CTNNA3: variants seen among roughly 807,000 people sequenced by gnomAD.
CTNNA3 encodes catenin alpha 3.
A neutral mutation model predicts 95.7 loss-of-function variants in CTNNA3; 76 were observed. The observed-to-expected ratio is 0.79, with a 90% CI of 0.66 to 0.96. CTNNA3 has a LOEUF of 0.96. Among genes scored for constraint, CTNNA3 ranks in the 40% least tolerant of loss-of-function variants. The pLI is 0.00. For missense variants in CTNNA3, 1,191 were observed against 1,089.8 expected (o/e 1.09, Z -1.31); for synonymous variants, 431 against 374.4 (o/e 1.15, Z -1.74).
intron 7 of CTNNA3, among the ~76,000 whole-genome samples, chr10:66,845,754 TACACACACACAC>T (rs140313786): frequency 1.8e-5 from 2 of 108,632 alleles, no homozygotes; most frequent in Admixed American, 9.9e-5. Flanking sequence ...TATATATACA[TACACACACACAC>T]ACACACACAC....
chr10:67,320,865 G>A (rs760995432), intron 5 of CTNNA3, among the ~76,000 whole-genome samples: 5 of 152,126 alleles, frequency 3.3e-5, no homozygotes, highest in Non-Finnish European at 5.9e-5. Flanking sequence ...ATTGAGATTG[G>A]AAGGAAACAT....
intron 9 of CTNNA3, among the ~76,000 whole-genome samples, chr10:66,695,916 A>AGCG (rs1554837113): frequency 2.5e-5 from 3 of 119,302 alleles, no homozygotes; most frequent in African/African-American, 9.9e-5. Flanking sequence ...AAGAGACGTA[A>AGCG]GGGGGGGGGG....
intron 13 of CTNNA3, among the ~76,000 whole-genome samples, chr10:66,167,970 A>G (rs2085222703): frequency 6.6e-6 from 1 of 152,148 alleles, no homozygotes; most frequent in Non-Finnish European, 1.5e-5. Context: ...CTCAGCATAG[A>G]TGCAATCATG....
intron 15 of CTNNA3, among the ~76,000 whole-genome samples, chr10:66,031,835 TA>T (rs1313017593): frequency 6.6e-6 from 1 of 152,202 alleles, no homozygotes; most frequent in African/African-American, 2.4e-5. Flanking sequence ...GCAAGACAGC[TA>T]CCAGGTCCTA....
chr10:66,597,506 TCATA>T lies in CTNNA3; in HGVS notation c.1374+24182_1374+24185del, dbSNP rs1226549599. ...AGCCTGGTCAACATGGCATTTTATT[TCATA>T]CATATATATATATATATATATATAT... On this transcript the variant is annotated intron_variant, in intron 10 of 17. Transcript: ENST00000433211. 8.4e-3 allele frequency among the ~76,000 whole-genome samples: 796 copies of T among 94,528 alleles called. 10 individuals carry two copies. The highest frequency in any genetic ancestry group is 0.026 in the African/African-American group (687 of 25,934). 62.0% of individuals were successfully genotyped at this position (94,528 alleles called of 152,430 possible).
intron 1 of CTNNA3, chr10:67,751,262 G>C: frequency 8.4e-7 from 1 of 1,190,382 alleles, no homozygotes; most frequent in East Asian, 2.4e-5. Context: ...ATTACACAGG[G>C]AATTCTCTTT....
intron 5 of CTNNA3, among the ~76,000 whole-genome samples, chr10:67,444,825 C>G (rs189970867): frequency 2.0e-5 from 3 of 151,992 alleles, no homozygotes; most frequent in Non-Finnish European, 4.4e-5. Context: ...TAGACACATA[C>G]AACCTACCAA....
chr10:67,593,797 T>C (rs1842854354), intron 3 of CTNNA3, among the ~76,000 whole-genome samples: 1 of 152,184 alleles, frequency 6.6e-6, no homozygotes, highest in Non-Finnish European at 1.5e-5. Flanking sequence ...AGTACTATGT[T>C]GAATAGGAGT....
intron 5 of CTNNA3, among the ~76,000 whole-genome samples, chr10:67,453,553 A>G (rs78935985): frequency 0.023 from 3,494 of 152,336 alleles, 134 homozygotes; most frequent in African/African-American, 0.072. Flanking sequence ...AGGTATTTCC[A>G]GCATGGAAAA....
chr10:66,386,022 T>A (rs1248469993), intron 11 of CTNNA3, among the ~76,000 whole-genome samples: 2 of 152,160 alleles, frequency 1.3e-5, no homozygotes, highest in African/African-American at 4.8e-5. Context: ...GCATTCCCTT[T>A]GGAAACTGGC....
intron 9 of CTNNA3, among the ~76,000 whole-genome samples, chr10:66,748,633 C>A (rs1838984900): frequency 6.6e-6 from 1 of 151,996 alleles, no homozygotes; most frequent in African/African-American, 2.4e-5. Flanking sequence ...GTTCATTTTA[C>A]CTGAGATTTG....
chr10:67,412,805 T>C (rs953897939), intron 5 of CTNNA3, among the ~76,000 whole-genome samples: 4 of 152,058 alleles, frequency 2.6e-5, no homozygotes. Flanking sequence ...GACAAGCAAA[T>C]GCTGAGGGAA....
chr10:67,263,598 C>G (rs1437082523), intron 5 of CTNNA3, among the ~76,000 whole-genome samples: 1 of 152,178 alleles, frequency 6.6e-6, no homozygotes, highest in South Asian at 2.1e-4. Flanking sequence ...CTTCCACTCT[C>G]CAGCCTCCCT....
intron 7 of CTNNA3, among the ~76,000 whole-genome samples, chr10:66,803,361 ACT>A (rs1841505081): frequency 6.6e-6 from 1 of 151,490 alleles, no homozygotes; most frequent in African/African-American, 2.4e-5. Flanking sequence ...CACCTACACA[ACT>A]CTCACTTCGA....
intron 15 of CTNNA3, among the ~76,000 whole-genome samples, chr10:66,053,078 T>C (rs1176292947): frequency 4.6e-5 from 7 of 152,146 alleles, no homozygotes; most frequent in East Asian, 1.9e-4. Flanking sequence ...AAAATAGTTA[T>C]ATTCACAAAG....
chr10:66,517,286 C>T (rs1487903435), intron 11 of CTNNA3, among the ~76,000 whole-genome samples: 1 of 151,936 alleles, frequency 6.6e-6, no homozygotes, highest in Admixed American at 6.6e-5. Flanking sequence ...AGAACAACTC[C>T]ATCTTGAATA....
At position 67,016,812 on chromosome 10, in the gene CTNNA3, C is replaced by A. The variant is rs138598656; in HGVS notation, c.1047+163505G>T. On this transcript the variant is annotated intron_variant, in intron 7 of 17. Coordinates refer to ENST00000433211, the MANE Select transcript of CTNNA3 (RefSeq NM_013266.4). ...TGACAATATTTTCCCTCTTTTTTGACTTCTTTGATAATTTTAGTAGACTTT... is the reference window on the plus strand; with the variant it reads ...TGACAATATTTTCCCTCTTTTTTGAATTCTTTGATAATTTTAGTAGACTTT... 5.8e-3 allele frequency among the ~76,000 whole-genome samples: 883 copies of A among 152,176 alleles called. 9 individuals carry two copies. Among genetic ancestry groups the A allele is most frequent in the African/African-American group, 0.02 (841 of 41,532 alleles).
intron 9 of CTNNA3, among the ~76,000 whole-genome samples, chr10:66,763,970 T>G (rs1287544879): frequency 6.6e-6 from 1 of 152,148 alleles, no homozygotes; most frequent in African/African-American, 2.4e-5. Flanking sequence ...ATTGCCCAGC[T>G]CTTCCCAGTC....
At chr10:66,302,198 G>A (rs769676010) in intron 12 of CTNNA3, among the ~76,000 whole-genome samples, 2 of 151,752 alleles carry the variant, frequency 1.3e-5, no homozygotes, top group Non-Finnish European at 2.9e-5. Context: ...AGTGAGTTCC[G>A]GTGCCTAGAT....
Sources: gnomAD v4.1 joint callset for allele counts (sites outside exome capture counted in the v4.1 genomes callset) on GRCh38, gnomAD v4.1.1 for gene constraint, MANE v1.5 for transcripts, NCBI Gene and HGNC (gene_info 2026-07-23, HGNC 2026-07-21) for gene names.